Variants in FAM53A observed in about 807,000 individuals in gnomAD.
FAM53A encodes family with sequence similarity 53 member A.
In FAM53A, 28 loss-of-function variants were observed where a neutral mutation model predicts 26.6. The ratio of observed to expected loss-of-function variants is 1.05; its 90% CI spans 0.78 to 1.45. FAM53A has a LOEUF of 1.45. FAM53A is among the 40% of genes most tolerant of loss of function. The pLI, the probability that FAM53A is intolerant of heterozygous loss-of-function variation, is 0.00. For missense variants in FAM53A, 650 were observed against 575.8 expected (o/e 1.13, Z -1.32); for synonymous variants, 290 against 253.1 (o/e 1.15, Z -1.38).
intron 1 of FAM53A, among the ~76,000 whole-genome samples, chr4:1,629,848 G>C (rs962944271): frequency 2.0e-5 from 3 of 151,992 alleles, no homozygotes; most frequent in Non-Finnish European, 4.4e-5. Context: ...GCTCATCTCT[G>C]TGGCCAGAGG....
At chr4:1,587,835 T>G in the FAM53A span, among the ~76,000 whole-genome samples, 1 of 152,232 alleles carries the variant, frequency 6.6e-6, no homozygotes, top group Non-Finnish European at 1.5e-5. Flanking sequence ...GTAGCATGTT[T>G]TAATACATTT....
In FAM53A at chr4:1,623,980, G is replaced by A. The variant is rs552849916; in HGVS notation, c.432-5869C>T. ...CCGGGACCCTGGGGCATACCTGAGGGCCCAGGGGCCATGCCTGCCTGGGGC... is the reference window on the plus strand; with the variant it reads ...CCGGGACCCTGGGGCATACCTGAGGACCCAGGGGCCATGCCTGCCTGGGGC... On this transcript the variant is annotated intron_variant, in intron 1 of 1. Transcript: ENST00000489029. Among the ~76,000 whole-genome samples, 3 of 152,262 alleles carry A rather than the reference G, an allele frequency of 2.0e-5. No homozygotes were observed. In the South Asian group the frequency reaches 6.2e-4, roughly 32 times the overall value.
the FAM53A span, among the ~76,000 whole-genome samples, chr4:1,605,875 C>A: frequency 1.3e-4 from 20 of 152,144 alleles, no homozygotes; most frequent in African/African-American, 4.8e-4. This position sits in a 1 kb window ranked among gnomAD's most constrained non-coding sequence, Gnocchi z 5.7. Flanking sequence ...CCCCTTTCCC[C>A]CTCCCCACTG....
At chr4:1,614,518 A>ACAC (rs1306586335), downstream of FAM53A, among the ~76,000 whole-genome samples, 1 of 150,718 alleles carries the variant, frequency 6.6e-6, no homozygotes, top group East Asian at 2.0e-4. Context: ...GGGGATGCAG[A>ACAC]GACGTGAGGG....
At chr4:1,610,809 G>A in the FAM53A span, among the ~76,000 whole-genome samples, 1 of 152,106 alleles carries the variant, frequency 6.6e-6, no homozygotes, top group Admixed American at 6.5e-5. Flanking sequence ...GCCCCCATCT[G>A]CCCTGCCAGG....
At chr4:1,654,322 G>C (rs986617455) in intron 4 of FAM53A, among the ~76,000 whole-genome samples, 5 of 152,248 alleles carry the variant, frequency 3.3e-5, no homozygotes, top group Non-Finnish European at 7.3e-5. Context: ...TAGTAACACA[G>C]AGCAAGACCT....
chr4:1,592,625 G>GT, the FAM53A span, among the ~76,000 whole-genome samples: 407 of 152,302 alleles, frequency 2.7e-3, no homozygotes, highest in African/African-American at 9.4e-3. Flanking sequence ...CCAAGCCAGG[G>GT]TGAGCCCAGG....
At chr4:1,626,760 A>C (rs993395285) in intron 1 of FAM53A, among the ~76,000 whole-genome samples, 1 of 151,874 alleles carries the variant, frequency 6.6e-6, no homozygotes, top group Admixed American at 6.5e-5. Flanking sequence ...ACTCTCAGCT[A>C]CAGCCATGCC....
At chr4:1,647,140 G>C (rs977618776) in intron 4 of FAM53A, among the ~76,000 whole-genome samples, 8 of 151,770 alleles carry the variant, frequency 5.3e-5, no homozygotes, top group African/African-American at 1.5e-4. Context: ...TTCGAGACCA[G>C]CATGGCCAAC....
rs187671431 is a variant in FAM53A at position 1,620,345 on chromosome 4, C to T, written c.432-2234G>A. 9.5e-4 allele frequency among the ~76,000 whole-genome samples: 145 copies of T among 152,262 alleles called. No individual in the cohort carries two copies. The East Asian group carries it at 0.027, about 29-fold the overall frequency. ...TGGCCCCTCCTCCGCAGACATCCCA[C>T]AGAAGCACCTGAGCTCTGTCTTCTC... On this transcript the variant is annotated intron_variant, in intron 1 of 1. Coordinates refer to the FAM53A transcript ENST00000489029.
the FAM53A span, among the ~76,000 whole-genome samples, chr4:1,601,233 C>G: frequency 2.3e-5 from 2 of 87,442 alleles, no homozygotes; most frequent in Non-Finnish European, 5.7e-5. Context: ...CGCAACAGGT[C>G]GGACACCCAC....
intron 4 of FAM53A, among the ~76,000 whole-genome samples, chr4:1,646,599 G>C (rs1429083623): frequency 6.6e-6 from 1 of 152,158 alleles, no homozygotes; most frequent in Non-Finnish European, 1.5e-5. Context: ...TGGAGGACAA[G>C]CCTTGCGCTC....
chr4:1,593,126 C>T, the FAM53A span, among the ~76,000 whole-genome samples: 159 of 152,288 alleles, frequency 1.0e-3, 1 homozygote, highest in Non-Finnish European at 2.0e-3. Context: ...TGTGCGGGAG[C>T]CGGTGGCGGC....
At chr4:1,590,160 T>C in the FAM53A span, among the ~76,000 whole-genome samples, 2 of 152,266 alleles carry the variant, frequency 1.3e-5, no homozygotes, top group Non-Finnish European at 2.9e-5. Context: ...ATGATTTTTC[T>C]TCCCAGATAT....
At chr4:1,641,785 C>T (rs879353756) in intron 4 of FAM53A, among the ~76,000 whole-genome samples, 178 bp from the exon 5 acceptor site, 5 of 152,086 alleles carry the variant, frequency 3.3e-5, no homozygotes, top group Non-Finnish European at 5.9e-5. Context: ...TTTCTCAGAC[C>T]CTGCCCATGC....
chr4:1,667,301 G>GA (rs200080871), intron 2 of FAM53A, among the ~76,000 whole-genome samples: 4 of 150,828 alleles, frequency 2.7e-5, no homozygotes, highest in Non-Finnish European at 4.4e-5. Flanking sequence ...TCTGTCTCCA[G>GA]AAAAAAAAAG....
At chr4:1,606,983 T>G in the FAM53A span, among the ~76,000 whole-genome samples, 1 of 152,206 alleles carries the variant, frequency 6.6e-6, no homozygotes, top group Non-Finnish European at 1.5e-5. Context: ...TTTCGGCGTC[T>G]CCACAGCTTC....
At chr4:1,602,923 C>A in the FAM53A span, among the ~76,000 whole-genome samples, 1 of 152,206 alleles carries the variant, frequency 6.6e-6, no homozygotes. Flanking sequence ...TCCGTCTACC[C>A]GCCAGGCCAG....
intron 4 of FAM53A, among the ~76,000 whole-genome samples, chr4:1,645,587 G>A (rs1056403401): frequency 3.3e-5 from 5 of 152,194 alleles, no homozygotes; most frequent in African/African-American, 1.2e-4. Flanking sequence ...GGGACTCTCC[G>A]CCCTGACCGT....
Sources: allele counts gnomAD v4.1 joint callset (sites outside exome capture counted in the v4.1 genomes callset), GRCh38; gene constraint gnomAD v4.1.1; non-coding constraint Gnocchi (gnomAD v3.1); transcripts MANE v1.5; gene names NCBI Gene and HGNC (gene_info 2026-07-23, HGNC 2026-07-21).